The following RGL1 variants were observed in gnomAD, a reference collection of about 807,000 sequenced individuals.
The protein encoded by RGL1 is ral guanine nucleotide dissociation stimulator-like 1.
A neutral mutation model predicts 95.2 loss-of-function variants in RGL1; 24 were observed. The observed-to-expected ratio is 0.25, with a 90% confidence interval of 0.18 to 0.35. RGL1 has a LOEUF of 0.35. RGL1 is among the 10% of genes least tolerant of loss of function. The pLI is 1.00. For missense variants in RGL1, 715 were observed against 936.3 expected, an observed-to-expected ratio of 0.76 and a Z score of 3.08; for synonymous variants, 329 against 344.9, an observed-to-expected ratio of 0.95 and a Z score of 0.51.
rs981089274 is a variant in RGL1, at chr1:183,779,984, C to A, written c.133-26391C>A. On this transcript the variant is annotated intron_variant, in intron 2 of 18. Transcript: ENST00000304685. ...TAATTAGCATGAAGAATGCTCAGAT[C>A]AAATAGTGTCTAAAATGTTGATTCA... Among the ~76,000 whole-genome samples the A allele has an allele frequency of 2.0e-5, 3 of 152,024 alleles. No individual in the cohort carries two copies. The South Asian group carries it at 6.2e-4, about 32-fold the overall frequency.
At chr1:183,741,439 A>G (rs1657297951) in intron 1 of RGL1, among the ~76,000 whole-genome samples, 1 of 152,202 alleles carries the variant, frequency 6.6e-6, no homozygotes, top group Non-Finnish European at 1.5e-5. Context: ...ATTTTTAAAT[A>G]ATATCTTACA....
At chr1:183,639,850 C>CT (rs565590844) in intron 1 of RGL1, among the ~76,000 whole-genome samples, 1,982 of 146,190 alleles carry the variant, frequency 0.014, 36 homozygotes, top group African/African-American at 0.039. Context: ...TTCTTTTTTT[C>CT]TTTTTTTTTT....
chr1:183,783,356 C>T (rs4497164), intron 2 of RGL1, among the ~76,000 whole-genome samples: 97,176 of 151,916 alleles, frequency 0.64, 31,317 homozygotes, highest in East Asian at 0.83. Context: ...ACAAAAGTAA[C>T]TGTGGTTTTG....
chr1:183,647,818 T>C (rs1322181562), intron 1 of RGL1: 1 of 1,614,084 alleles, frequency 6.2e-7, no homozygotes, highest in African/African-American at 1.3e-5. Flanking sequence ...ATTTGAGGCA[T>C]ATTTAAGTGC....
chr1:183,640,972 A>T (rs189913778), intron 1 of RGL1, among the ~76,000 whole-genome samples: 2,001 of 152,332 alleles, frequency 0.013, 51 homozygotes, highest in African/African-American at 0.046. Context: ...GATAAAAATC[A>T]TATAGTTTCT....
At chr1:183,796,048 A>G (rs1438216184) in intron 2 of RGL1, among the ~76,000 whole-genome samples, 1 of 152,122 alleles carries the variant, frequency 6.6e-6, no homozygotes, top group African/African-American at 2.4e-5. Context: ...TTTAGTATCT[A>G]GTGTCTAGAT....
chr1:183,715,254 CTTGTTTTTT>C (rs1407824904), intron 1 of RGL1, among the ~76,000 whole-genome samples: 2 of 152,088 alleles, frequency 1.3e-5, no homozygotes, highest in East Asian at 1.9e-4. Context: ...TACATTTGAT[CTTGTTTTTT>C]TTGTTTTTTT....
chr1:183,712,574 A>G (rs1344583250), intron 1 of RGL1, among the ~76,000 whole-genome samples: 2 of 152,144 alleles, frequency 1.3e-5, no homozygotes, highest in Admixed American at 6.5e-5. Context: ...GTGATTACCA[A>G]TGGGCCACAT....
chr1:183,910,538 T>G (rs1668586234), intron 14 of RGL1, among the ~76,000 whole-genome samples: 1 of 152,220 alleles, frequency 6.6e-6, no homozygotes. Flanking sequence ...CCACCATCTC[T>G]TCTGATATGG....
chr1:183,776,779 T>C (rs1193425514), intron 2 of RGL1, among the ~76,000 whole-genome samples: 6 of 152,188 alleles, frequency 3.9e-5, no homozygotes, highest in Non-Finnish European at 8.8e-5. Context: ...AGGGGTCTGA[T>C]CATGAAAGGC....
chr1:183,858,041 A>G (rs1665266577), intron 3 of RGL1, among the ~76,000 whole-genome samples: 1 of 152,214 alleles, frequency 6.6e-6, no homozygotes, highest in African/African-American at 2.4e-5. Context: ...TCACTTGGCA[A>G]AGGGAGGCAA....
chr1:183,737,261 A>G (rs973327324), intron 1 of RGL1, among the ~76,000 whole-genome samples: 1 of 152,194 alleles, frequency 6.6e-6, no homozygotes, highest in African/African-American at 2.4e-5. Flanking sequence ...TAACGTTTTC[A>G]AGATTAGCCT....
intron 1 of RGL1, among the ~76,000 whole-genome samples, chr1:183,641,098 G>T (rs1649891533): frequency 1.3e-5 from 2 of 152,056 alleles, no homozygotes; most frequent in South Asian, 4.1e-4. Flanking sequence ...TTACTTGCTG[G>T]ATTTGATTAG....
intron 3 of RGL1, 45 bp downstream of exon 3, chr1:183,847,819 A>T: frequency 6.7e-7 from 1 of 1,485,750 alleles, no homozygotes; most frequent in Non-Finnish European, 9.4e-7. Flanking sequence ...ATGTAGGCTG[A>T]TTATGGAGTG....
chr1:183,689,912 G>A (rs1224843791), intron 1 of RGL1, among the ~76,000 whole-genome samples: 2 of 152,170 alleles, frequency 1.3e-5, no homozygotes, highest in African/African-American at 4.8e-5. Context: ...CTGCTTTCAG[G>A]GGTTTACCAG....
chr1:183,729,726 G>T (rs2102226510), intron 1 of RGL1, among the ~76,000 whole-genome samples: 1 of 152,216 alleles, frequency 6.6e-6, no homozygotes, highest in East Asian at 1.9e-4. Flanking sequence ...CAACACAAAT[G>T]TCCATCAGCA....
At chr1:183,846,001 T>C (rs948235186) in intron 2 of RGL1, among the ~76,000 whole-genome samples, 1 of 152,212 alleles carries the variant, frequency 6.6e-6, no homozygotes, top group Admixed American at 6.5e-5. Context: ...CTCAAGGATC[T>C]AGAACCAGAA....
At chr1:183,703,225 A>T (rs1654709410) in intron 1 of RGL1, among the ~76,000 whole-genome samples, 1 of 152,206 alleles carries the variant, frequency 6.6e-6, no homozygotes, top group South Asian at 2.1e-4. Context: ...TTTCTCAATA[A>T]CTACTTCAAG....
At chr1:183,706,764 G>A (rs1654940652) in intron 1 of RGL1, among the ~76,000 whole-genome samples, 1 of 152,214 alleles carries the variant, frequency 6.6e-6, no homozygotes, top group Admixed American at 6.5e-5. Flanking sequence ...TTGAAACTCT[G>A]CCTGTTTTTT....
Sources: gnomAD v4.1 joint callset for allele counts (sites outside exome capture counted in the v4.1 genomes callset) on GRCh38, gnomAD v4.1.1 for gene constraint, MANE v1.5 for transcripts, NCBI Gene and HGNC (gene_info 2026-07-23, HGNC 2026-07-21) for gene names.